The following BLK variants were observed in gnomAD, a reference collection of about 807,000 sequenced individuals.
The protein encoded by BLK is BLK proto-oncogene, Src family tyrosine kinase, also known as tyrosine-protein kinase Blk.
A neutral mutation model predicts 61.8 loss-of-function variants in BLK; 64 were observed. The observed-to-expected ratio is 1.03, with a 90% CI of 0.85 to 1.27. BLK has a LOEUF of 1.27. BLK is among the 50% of genes most tolerant of loss of function. The probability of loss-of-function intolerance (pLI) is 0.00; values close to 1 mark genes in which losing one functional copy is unlikely to be tolerated. For synonymous variants in BLK, 351 were observed against 272.0 expected (o/e 1.29, Z -2.86); for missense variants, 853 against 660.5 (o/e 1.29, Z -3.19).
intron 1 of BLK, among the ~76,000 whole-genome samples, chr8:11,504,227 T>C (rs1315522047): frequency 2.0e-5 from 3 of 151,020 alleles, no homozygotes; most frequent in Non-Finnish European, 4.4e-5. Context: ...GAGGCTGAGG[T>C]AGGAGAATTG....
intron 1 of BLK, among the ~76,000 whole-genome samples, chr8:11,519,635 T>A (rs1042536130): frequency 1.3e-5 from 2 of 152,250 alleles, no homozygotes; most frequent in African/African-American, 4.8e-5. Context: ...TCGAGAACTT[T>A]ATTTACATTT....
intron 6 of BLK, among the ~76,000 whole-genome samples, chr8:11,551,404 C>G (rs1485532640): frequency 6.6e-6 from 1 of 152,226 alleles, no homozygotes; most frequent in Non-Finnish European, 1.5e-5. Flanking sequence ...GTCCTAATCT[C>G]TTCTTGTAAG....
At chr8:11,558,495 G>A (rs529329074) in intron 10 of BLK, 41 of 369,044 alleles carry the variant, frequency 1.1e-4, no homozygotes, top group Middle Eastern at 9.8e-4. Flanking sequence ...CCCTGGCGTC[G>A]ACCCCAGGCT....
At chr8:11,559,105 A>G (rs1801361769) in intron 10 of BLK, 3 of 427,352 alleles carry the variant, frequency 7.0e-6, no homozygotes, top group South Asian at 5.1e-5. Flanking sequence ...CTCCTATTCA[A>G]TCCCCACTAC....
intron 1 of BLK, among the ~76,000 whole-genome samples, chr8:11,507,676 G>T (rs1798829715): frequency 1.3e-5 from 2 of 152,194 alleles, no homozygotes; most frequent in Admixed American, 6.5e-5. Flanking sequence ...CTGGGTCCAT[G>T]TCAACATACA....
intron 1 of BLK, among the ~76,000 whole-genome samples, chr8:11,515,892 A>G (rs546883883): frequency 6.6e-6 from 1 of 152,330 alleles, no homozygotes; most frequent in South Asian, 2.1e-4. Flanking sequence ...ACAAAATCAT[A>G]TAGAATAGAG....
intron 12 of BLK, 31 bp downstream of exon 12, chr8:11,563,141 C>T: frequency 6.2e-7 from 1 of 1,613,188 alleles, no homozygotes. Flanking sequence ...CTCGCGGCTC[C>T]CTGCTTTCCC....
intron 1 of BLK, among the ~76,000 whole-genome samples, chr8:11,520,330 A>G (rs1799392512): frequency 6.6e-6 from 1 of 151,948 alleles, no homozygotes; most frequent in Non-Finnish European, 1.5e-5. Flanking sequence ...TACAAGAACT[A>G]GCCAGGTGTG....
intron 7 of BLK, 132 bp from the exon 8 acceptor site, chr8:11,555,200 G>C: frequency 8.3e-7 from 1 of 1,210,404 alleles, no homozygotes; most frequent in Non-Finnish European, 1.2e-6. Flanking sequence ...TGCATGTGCA[G>C]GCGTGTGCAC....
rs1782537620 is a variant in BLK, at chr8:11,545,711, G to C, written c.124-341G>C. ...ATATGCTTTTTAAATATTTTTTCTT[G>C]TCAACAAATACCCGTTTGCAGTTTG... On this transcript the variant is annotated intron_variant, in intron 2 of 12. Transcript: ENST00000259089. 1.1e-5 allele frequency: 4 copies of C among 364,550 alleles called. No individual in the cohort carries two copies. The East Asian group carries it at 2.1e-4, about 19-fold the overall frequency. 22.6% of individuals were successfully genotyped at this position (364,550 alleles called of 1,614,324 possible).
intron 1 of BLK, among the ~76,000 whole-genome samples, chr8:11,538,773 C>T (rs1800242713): frequency 6.6e-6 from 1 of 152,114 alleles, no homozygotes; most frequent in African/African-American, 2.4e-5. Context: ...AGAGAGGCCA[C>T]GAAAGGCCTG....
intron 5 of BLK, among the ~76,000 whole-genome samples, chr8:11,549,767 G>C (rs1022515461): frequency 1.3e-5 from 2 of 152,210 alleles, no homozygotes; most frequent in Non-Finnish European, 2.9e-5. Context: ...GGACATACTG[G>C]GGTCCCTGCT....
In BLK at chr8:11,548,033, C is replaced by T. The variant is rs146083915; in HGVS notation, c.177C>T (p.Asp59=). 3 of 1,613,946 alleles carry T rather than the reference C, an allele frequency of 1.9e-6. No individual in the cohort carries two copies. Among genetic ancestry groups the T allele is most frequent in the East Asian group, 2.2e-5 (1 of 44,874 alleles). Residue 59 remains aspartate (D), a splice_region_variant and synonymous_variant, in exon 4 of 13, where the codon GAC becomes GAT. Coordinates refer to ENST00000259089, the MANE Select transcript of BLK (RefSeq NM_001715.3). ...PPPPDEHLDE[D]KHFVVALYDY... ...TCATCTCTCCCTTGTTCATTTTAGA[C>T]AAGCATTTCGTGGTGGCTCTGTATG...
Position 11,556,779 on chromosome 8 carries a change from A to G in BLK, c.894A>G (p.Arg298=), listed in dbSNP as rs775284450. ...MKALQHERLV[R]LYAVVTKEPI... Reference sequence around the variant, plus strand: ...CTCTGCAGCACGAGCGGCTGGTCCGACTCTACGCAGTGGTCACCAAGGAGC... The same window carrying G: ...CTCTGCAGCACGAGCGGCTGGTCCGGCTCTACGCAGTGGTCACCAAGGAGC... Residue 298 remains arginine, a synonymous_variant, in exon 9 of 13, where the codon CGA becomes CGG. Coordinates refer to ENST00000259089, the MANE Select transcript of BLK (RefSeq NM_001715.3). 73 of 1,614,022 alleles carry G rather than the reference A, an allele frequency of 4.5e-5. No individual in the cohort carries two copies. Among genetic ancestry groups the G allele is most frequent in the Non-Finnish European group, 6.0e-5 (71 of 1,180,004 alleles).
intron 2 of BLK, among the ~76,000 whole-genome samples, chr8:11,544,774 T>C (rs913256823): frequency 1.3e-5 from 2 of 152,230 alleles, no homozygotes; most frequent in Non-Finnish European, 2.9e-5. Context: ...TACATGCACA[T>C]CATTTTGCAA....
intron 10 of BLK, 34 bp downstream of exon 10, chr8:11,558,072 C>T (rs1240384629): frequency 1.9e-6 from 3 of 1,603,142 alleles, no homozygotes; most frequent in Non-Finnish European, 2.6e-6. Context: ...GAAAGGGCGG[C>T]ATGTGCCACC....
intron 1 of BLK, among the ~76,000 whole-genome samples, chr8:11,500,605 T>C (rs1046886836): frequency 6.6e-6 from 1 of 151,030 alleles, no homozygotes; most frequent in African/African-American, 2.4e-5. Context: ...AGCCTCCACT[T>C]CCCCAGCTCA....
intron 6 of BLK, chr8:11,553,104 C>CAT (rs1480077358): frequency 2.6e-5 from 5 of 190,772 alleles, no homozygotes; most frequent in Admixed American, 1.1e-4. Flanking sequence ...CTTACACGTA[C>CAT]ATATGCACAC....
intron 1 of BLK, among the ~76,000 whole-genome samples, chr8:11,527,448 C>G (rs750585159): frequency 6.6e-6 from 1 of 151,960 alleles, no homozygotes; most frequent in Non-Finnish European, 1.5e-5. Context: ...AGAACCATAG[C>G]TTTGCCTTAT....
Sources: allele counts gnomAD v4.1 joint callset (sites outside exome capture counted in the v4.1 genomes callset), GRCh38; gene constraint gnomAD v4.1.1; transcripts MANE v1.5; gene names NCBI Gene and HGNC (gene_info 2026-07-23, HGNC 2026-07-21).